Variants in FRMD4A observed in about 807,000 individuals in gnomAD.
FRMD4A encodes the protein FERM domain containing 4A.
FRMD4A carries 29 observed loss-of-function variants against 129.1 expected under a neutral mutation model. That is an observed-to-expected ratio of 0.22 (90% CI 0.17 to 0.31). FRMD4A has a LOEUF of 0.31. FRMD4A is among the 10% of genes least tolerant of loss of function. The pLI, the probability that FRMD4A is intolerant of heterozygous loss-of-function variation, is 1.00. For missense variants in FRMD4A, 1,272 were observed against 1,375.8 expected (o/e 0.92, Z 1.19); for synonymous variants, 634 against 571.6 (o/e 1.11, Z -1.56).
intron 2 of FRMD4A, among the ~76,000 whole-genome samples, chr10:14,094,070 C>A (rs184848465): frequency 1.0e-3 from 152 of 152,356 alleles, no homozygotes; most frequent in Middle Eastern, 3.4e-3. Context: ...CCCATCAGAG[C>A]AGAACACATT....
At chr10:14,002,435 G>A (rs2095645985) in intron 2 of FRMD4A, among the ~76,000 whole-genome samples, 2 of 152,202 alleles carry the variant, frequency 1.3e-5, no homozygotes, top group Admixed American at 6.5e-5. Context: ...TTTTCCACCA[G>A]AGATAATGGG....
At chr10:14,022,580 G>C (rs888747615) in intron 2 of FRMD4A, among the ~76,000 whole-genome samples, 1 of 152,180 alleles carries the variant, frequency 6.6e-6, no homozygotes, top group Non-Finnish European at 1.5e-5. Context: ...GCTACAGAGG[G>C]CAGGCAAATG....
rs1438933186 is a variant in FRMD4A, at chr10:13,651,943, C to T, written c.3082G>A (p.Gly1028Arg). The T allele has an allele frequency of 3.1e-6, 5 of 1,600,962 alleles. No individual in the cohort carries two copies. Among genetic ancestry groups the T allele is most frequent in the East Asian group, 2.2e-5 (1 of 44,816 alleles). ...EATENSPILD[G>R]SESPPHQSTD... The stretch of plus-strand genomic sequence containing the variant: ...CTTTGGTGAGGTGGAGACTCAGACC[C>T]ATCCAGAATGGGTGAGTTTTCTGTT... Residue 1028 changes from glycine (G) to arginine (R), a missense_variant, in exon 24 of 25, where the codon GGG (glycine) becomes AGG (arginine). Coordinates refer to ENST00000357447, the MANE Select transcript of FRMD4A (RefSeq NM_018027.5).
intron 11 of FRMD4A, among the ~76,000 whole-genome samples, 159 bp from the exon 12 acceptor site, chr10:13,738,089 T>A (rs2090752894): frequency 6.6e-6 from 1 of 152,112 alleles, no homozygotes; most frequent in Admixed American, 6.5e-5. Flanking sequence ...GATGCGTCTG[T>A]CATTGAAGGA....
rs537300552 is a variant in FRMD4A, at chr10:14,191,585, C to T, written c.45+138473G>A. Among the ~76,000 whole-genome samples, 6 of 152,280 alleles carry T rather than the reference C, an allele frequency of 3.9e-5. No homozygotes were observed. In the South Asian group the frequency reaches 6.2e-4, roughly 16 times the overall value. ...TACACAAGAGAACAAAAAGTAGTAT[C>T]GGCTGTTGCTATGGAGACTTAAGAA... On this transcript the variant is annotated intron_variant, in intron 2 of 24. Transcript: ENST00000357447.
At position 13,740,262 on chromosome 10, in the gene FRMD4A, AAC is replaced by A. The variant is rs1276939434; in HGVS notation, c.615-13_615-12del. The A allele has an allele frequency of 6.3e-7, 1 of 1,592,696 alleles. No individual in the cohort carries two copies. Among genetic ancestry groups the A allele is most frequent in the Non-Finnish European group, 8.6e-7 (1 of 1,160,414 alleles). ...ACGATGCTCATGTAGCTGGAATGAC[AAC>A]ACGAAGATACACAAACACACACACA... On this transcript the variant is annotated splice_polypyrimidine_tract_variant and intron_variant, in intron 10 of 24. Transcript: ENST00000357447.
At chr10:14,231,676 A>G (rs1241250230) in intron 2 of FRMD4A, among the ~76,000 whole-genome samples, 1 of 152,022 alleles carries the variant, frequency 6.6e-6, no homozygotes, top group African/African-American at 2.4e-5. Context: ...GCATTTCTCT[A>G]TTAGTGATGT....
At chr10:13,730,859 C>CAAAAAAAAAAAAAAAAAAA (rs10639026) in intron 12 of FRMD4A, among the ~76,000 whole-genome samples, 1 of 90,850 alleles carries the variant, frequency 1.1e-5, no homozygotes. Flanking sequence ...ACTAAAAATA[C>CAAAAAAAAAAAAAAAAAAA]AAAAAAAAAA....
chr10:14,195,670 A>G (rs1235233505), intron 2 of FRMD4A, among the ~76,000 whole-genome samples: 5 of 152,222 alleles, frequency 3.3e-5, no homozygotes, highest in Non-Finnish European at 2.9e-5. Context: ...AGTTTCTTAC[A>G]TGATTCCCAG....
At chr10:13,889,094 G>A (rs1306540807) in intron 2 of FRMD4A, among the ~76,000 whole-genome samples, 1 of 152,240 alleles carries the variant, frequency 6.6e-6, no homozygotes, top group Non-Finnish European at 1.5e-5. Context: ...CATAAACAAT[G>A]TAAACACAAG....
intron 2 of FRMD4A, among the ~76,000 whole-genome samples, chr10:14,005,658 G>C (rs907809106): frequency 6.6e-6 from 1 of 152,074 alleles, no homozygotes; most frequent in Non-Finnish European, 1.5e-5. Context: ...TTTTCTCAGG[G>C]CCAGGCTGCC....
chr10:13,694,232 C>A (rs1224334041), intron 14 of FRMD4A, among the ~76,000 whole-genome samples, 193 bp from the exon 15 acceptor site: 1 of 152,246 alleles, frequency 6.6e-6, no homozygotes, highest in Non-Finnish European at 1.5e-5. Flanking sequence ...AGAGCAGAGG[C>A]AGCTCAAGAG....
intron 2 of FRMD4A, among the ~76,000 whole-genome samples, chr10:14,246,522 CAT>C (rs761442208): frequency 5.3e-5 from 8 of 152,316 alleles, no homozygotes; most frequent in Non-Finnish European, 7.3e-5. Flanking sequence ...TATGCAATCA[CAT>C]GTGGACGTAT....
intron 14 of FRMD4A, among the ~76,000 whole-genome samples, chr10:13,697,623 C>T (rs1213351666): frequency 6.6e-6 from 1 of 151,704 alleles, no homozygotes; most frequent in African/African-American, 2.4e-5. Flanking sequence ...TTGGCTGATA[C>T]ACGTGACTCA....
intron 2 of FRMD4A, among the ~76,000 whole-genome samples, chr10:14,280,354 C>T (rs1236073350): frequency 2.0e-5 from 3 of 151,868 alleles, no homozygotes; most frequent in East Asian, 1.9e-4. Flanking sequence ...CTATGTTACC[C>T]AGACTGGCCT....
At chr10:13,758,563 T>C (rs2091949002) in intron 8 of FRMD4A, among the ~76,000 whole-genome samples, 1 of 152,226 alleles carries the variant, frequency 6.6e-6, no homozygotes, top group Non-Finnish European at 1.5e-5. Flanking sequence ...TGCAAGGGAC[T>C]GGGGCCCACA....
At chr10:14,215,706 TG>T (rs1843053495) in intron 2 of FRMD4A, among the ~76,000 whole-genome samples, 1 of 152,028 alleles carries the variant, frequency 6.6e-6, no homozygotes, top group African/African-American at 2.4e-5. Context: ...TTGAGGATCT[TG>T]GGGGAAGCCT....
At chr10:14,278,376 G>A (rs982968178) in intron 2 of FRMD4A, among the ~76,000 whole-genome samples, 1 of 152,096 alleles carries the variant, frequency 6.6e-6, no homozygotes, top group Non-Finnish European at 1.5e-5. Context: ...GTTCCCAGAG[G>A]CTCAGGCTCC....
chr10:14,063,412 T>C (rs2447031), intron 2 of FRMD4A, among the ~76,000 whole-genome samples: 1,792 of 152,306 alleles, frequency 0.012, 41 homozygotes, highest in African/African-American at 0.041. Context: ...TATGTTATTG[T>C]TCTCTTGGCA....
Sources: allele counts gnomAD v4.1 joint callset (sites outside exome capture counted in the v4.1 genomes callset), GRCh38; gene constraint gnomAD v4.1.1; transcripts MANE v1.5; gene names NCBI Gene and HGNC (gene_info 2026-07-23, HGNC 2026-07-21).